Variants in ARHGEF7 observed in about 807,000 individuals in gnomAD.
The protein encoded by ARHGEF7 is Rho guanine nucleotide exchange factor 7, also known as PAK-interacting exchange factor beta.
A neutral mutation model predicts 109.8 loss-of-function variants in ARHGEF7; 33 were observed. The observed-to-expected ratio is 0.30, with a 90% CI of 0.23 to 0.40. The LOEUF is 0.40. Among genes scored for constraint, ARHGEF7 ranks in the 10% least tolerant of loss-of-function variants. ARHGEF7 has a pLI of 1.00. For missense variants in ARHGEF7, 938 were observed against 1,098.5 expected (o/e 0.85, Z 2.07); for synonymous variants, 458 against 424.6 (o/e 1.08, Z -0.97).
At chr13:111,159,292 A>G (rs893858842) in intron 2 of ARHGEF7, among the ~76,000 whole-genome samples, 3 of 152,096 alleles carry the variant, frequency 2.0e-5, no homozygotes, top group African/African-American at 7.2e-5. Context: ...CTTTCAGTGG[A>G]CACTTAGATT....
At position 111,145,835 on chromosome 13, in the gene ARHGEF7, G is replaced by T. The variant is rs2153365036; in HGVS notation, c.166-8070G>T. Among the ~76,000 whole-genome samples the T allele has an allele frequency of 6.6e-6, 1 of 152,346 alleles. No homozygotes were observed. The highest frequency in any genetic ancestry group is 1.9e-4 in the East Asian group (1 of 5,190). ...GTGTAGTTTTGGACCTGACATTTCA[G>T]CTGTCTGAGTCCCTGTTTTCTCATC... On this transcript the variant is annotated intron_variant, in intron 1 of 21. Transcript: ENST00000646102. The surrounding 1 kb of genome is among the most constrained non-coding windows in gnomAD (Gnocchi z 4.3).
chr13:111,265,269 G>A (rs895541576), intron 8 of ARHGEF7, among the ~76,000 whole-genome samples: 34 of 152,226 alleles, frequency 2.2e-4, no homozygotes, highest in African/African-American at 7.2e-4. Context: ...ATTATAGGAC[G>A]TACTGATAAC....
intron 1 of ARHGEF7, among the ~76,000 whole-genome samples, chr13:111,125,087 A>G (rs2067469889): frequency 6.6e-6 from 1 of 151,864 alleles, no homozygotes; most frequent in Non-Finnish European, 1.5e-5. Flanking sequence ...ATTGAAGATG[A>G]TGCTTGTGTT....
chr13:111,298,131 G>A (rs1439413215), intron 19 of ARHGEF7, among the ~76,000 whole-genome samples: 5 of 152,254 alleles, frequency 3.3e-5, no homozygotes, highest in African/African-American at 9.6e-5. Context: ...GCAGGGAAGA[G>A]TAAGTGAAGC....
intron 1 of ARHGEF7, among the ~76,000 whole-genome samples, chr13:111,138,679 C>T (rs1024281181): frequency 6.6e-6 from 1 of 152,118 alleles, no homozygotes; most frequent in African/African-American, 2.4e-5. Flanking sequence ...TCGGCAAAAC[C>T]AAAGACACAT....
Position 111,274,773 on chromosome 13 carries a change from G to A in ARHGEF7, c.1255G>A (p.Ala419Thr). Residue 419 changes from alanine (A) to threonine (T), a missense_variant, in exon 11 of 22, where the codon GCC becomes ACC. Transcript: ENST00000646102. ...ACAAGATATTCAAAAATCCATGGCT[G>A]CCTTCAAAAACCTTTCAGTAAGTGA... ...DRQDIQKSMA[A>T]FKNLSAQCQE... 6.7e-7 allele frequency: 1 copy of A among 1,494,992 alleles called. No homozygotes were observed. Among genetic ancestry groups the A allele is most frequent in the Non-Finnish European group, 8.9e-7 (1 of 1,120,876 alleles). 92.6% of individuals were successfully genotyped at this position (1,494,992 alleles called of 1,614,324 possible). A position where few individuals can be genotyped will look rare whatever the true frequency, so the allele number is the denominator to read the frequency against.
intron 5 of ARHGEF7, among the ~76,000 whole-genome samples, chr13:111,232,116 A>G (rs2086141463): frequency 6.6e-6 from 1 of 152,110 alleles, no homozygotes; most frequent in Admixed American, 6.5e-5. Context: ...GATCTACCCC[A>G]TGGAACTATG....
At chr13:111,248,608 C>T (rs962445956) in intron 8 of ARHGEF7, among the ~76,000 whole-genome samples, 2 of 152,182 alleles carry the variant, frequency 1.3e-5, no homozygotes, top group Non-Finnish European at 2.9e-5. Context: ...CCTAAGTGTT[C>T]ACTGTCTGCC....
intron 2 of ARHGEF7, among the ~76,000 whole-genome samples, chr13:111,162,224 T>G (rs1476144808): frequency 6.6e-6 from 1 of 152,252 alleles, no homozygotes; most frequent in Non-Finnish European, 1.5e-5. Context: ...ATGGAAAACT[T>G]GTTATGGATA....
At chr13:111,183,443 T>C (rs1434869791) in intron 2 of ARHGEF7, among the ~76,000 whole-genome samples, 1 of 152,198 alleles carries the variant, frequency 6.6e-6, no homozygotes. Flanking sequence ...TTTTGATTCT[T>C]TGGATGTTTT....
rs201908744 is a variant in ARHGEF7, at chr13:111,280,580, A to G, written c.1628A>G (p.Gln543Arg). 1,872 of 1,612,576 alleles carry G rather than the reference A, an allele frequency of 1.2e-3. 36 individuals carry two copies. In the South Asian group the frequency reaches 0.017, roughly 15 times the overall value. ...ATATTAGTGTCGTGCAACAACCAGCAGGATCTGCAGGAATGGGTGGAGCAC... is the reference window on the plus strand; with the variant it reads ...ATATTAGTGTCGTGCAACAACCAGCGGGATCTGCAGGAATGGGTGGAGCAC... ...ERILVSCNNQQDLQEWVEHLQ... is the reference protein window; with the variant it reads ...ERILVSCNNQRDLQEWVEHLQ... The change falls in exon 15 of 22, where the codon CAG becomes CGG. Residue 543 changes from glutamine (Q) to arginine (R), a missense_variant. Physicochemically the swap from Gln to Arg is conservative, Grantham distance 43. Around this residue, in one of 4 missense-constraint regions of ARHGEF7, gnomAD observed 585 missense variants for 723.6 expected, o/e 0.81. Coordinates refer to ENST00000646102, the MANE Select transcript of ARHGEF7 (RefSeq NM_001354046.2).
At chr13:111,263,195 T>G (rs1360915080) in intron 8 of ARHGEF7, among the ~76,000 whole-genome samples, 1 of 152,238 alleles carries the variant, frequency 6.6e-6, no homozygotes, top group East Asian at 1.9e-4. Flanking sequence ...CTGACCTTTA[T>G]GAGCTTTATC....
At chr13:111,251,333 G>T (rs1181424761) in intron 8 of ARHGEF7, among the ~76,000 whole-genome samples, 2 of 152,220 alleles carry the variant, frequency 1.3e-5, no homozygotes, top group Non-Finnish European at 2.9e-5. Context: ...ATGGAGAGGA[G>T]TGGAACAGTA....
intron 2 of ARHGEF7, among the ~76,000 whole-genome samples, chr13:111,191,317 G>A (rs1265311130): frequency 1.3e-5 from 2 of 152,180 alleles, no homozygotes; most frequent in Non-Finnish European, 2.9e-5. Context: ...TGCATTGGAT[G>A]CATAAAGGGA....
At chr13:111,282,256 G>C (rs1015689108) in intron 15 of ARHGEF7, among the ~76,000 whole-genome samples, 1 of 152,156 alleles carries the variant, frequency 6.6e-6, no homozygotes, top group Admixed American at 6.5e-5. Flanking sequence ...GCCCCACTCC[G>C]TTTCCAGTTC....
At chr13:111,219,026 A>G (rs2083483031) in intron 5 of ARHGEF7, among the ~76,000 whole-genome samples, 1 of 152,188 alleles carries the variant, frequency 6.6e-6, no homozygotes. Context: ...ATGTATACAT[A>G]TATGTAAAGC....
chr13:111,262,092 GA>G (rs2091153741), intron 8 of ARHGEF7, among the ~76,000 whole-genome samples: 1 of 151,950 alleles, frequency 6.6e-6, no homozygotes, highest in Non-Finnish European at 1.5e-5. Flanking sequence ...ATTGTAGAAG[GA>G]AAATAATAAA....
chr13:111,117,741 C>G, intron 1 of ARHGEF7, among the ~76,000 whole-genome samples: 1 of 151,920 alleles, frequency 6.6e-6, no homozygotes, highest in Non-Finnish European at 1.5e-5. Flanking sequence ...TTCCTTCCTT[C>G]CTTCGAGATG....
chr13:111,195,208 C>G (rs1049434286), intron 2 of ARHGEF7, among the ~76,000 whole-genome samples: 1 of 152,124 alleles, frequency 6.6e-6, no homozygotes, highest in African/African-American at 2.4e-5. Flanking sequence ...TTTTGCCCTT[C>G]CAGATTGTCT....
Sources: allele counts gnomAD v4.1 joint callset (sites outside exome capture counted in the v4.1 genomes callset), GRCh38; gene constraint gnomAD v4.1.1; regional missense constraint gnomAD v4.1.1; non-coding constraint Gnocchi (gnomAD v3.1); transcripts MANE v1.5; gene names NCBI Gene and HGNC (gene_info 2026-07-23, HGNC 2026-07-21).